Variants in PTPN1 observed in about 807,000 individuals in gnomAD.
The protein encoded by PTPN1 is tyrosine-protein phosphatase non-receptor type 1.
In PTPN1, 12 loss-of-function variants were observed where a neutral mutation model predicts 59.9. That is an observed-to-expected ratio of 0.20 (90% confidence interval 0.13 to 0.32). The LOEUF (loss-of-function observed/expected upper bound fraction) is 0.32. Among genes scored for constraint, PTPN1 ranks in the 10% least tolerant of loss-of-function variants. The pLI, the probability that PTPN1 is intolerant of heterozygous loss-of-function variation, is 1.00. For missense variants in PTPN1, 356 were observed against 549.2 expected, an observed-to-expected ratio of 0.65 and a Z score of 3.52; for synonymous variants, 178 against 203.6, an observed-to-expected ratio of 0.87 and a Z score of 1.07.
At chr20:50,575,458 C>A (rs2082832178) in intron 5 of PTPN1, among the ~76,000 whole-genome samples, 1 of 152,174 alleles carries the variant, frequency 6.6e-6, no homozygotes, top group Non-Finnish European at 1.5e-5. Context: ...TTAGCAGTTA[C>A]CATGGGTGTG....
At chr20:50,553,555 G>A (rs1298712171) in intron 1 of PTPN1, among the ~76,000 whole-genome samples, 1 of 152,170 alleles carries the variant, frequency 6.6e-6, no homozygotes, top group African/African-American at 2.4e-5. Flanking sequence ...CCAGAACGGA[G>A]AGAGACAGAC....
At chr20:50,516,146 G>A (rs1276821960) in intron 1 of PTPN1, among the ~76,000 whole-genome samples, 5 of 152,030 alleles carry the variant, frequency 3.3e-5, no homozygotes, top group Non-Finnish European at 7.4e-5. Context: ...TTTGCATGTG[G>A]TTGGTTCATA....
At chr20:50,555,310 G>A (rs1224767325) in intron 1 of PTPN1, among the ~76,000 whole-genome samples, 1 of 152,206 alleles carries the variant, frequency 6.6e-6, no homozygotes, top group Non-Finnish European at 1.5e-5. Context: ...GCTAGTAAAT[G>A]CAATAAGTTA....
At position 50,568,521 on chromosome 20, in the gene PTPN1, C is replaced by A; in HGVS notation, c.354+43C>A. On this transcript the variant is annotated intron_variant, in intron 4 of 9. Coordinates refer to ENST00000371621, the MANE Select transcript of PTPN1 (RefSeq NM_002827.4). This position sits in a 1 kb window ranked among gnomAD's most constrained non-coding sequence, Gnocchi z 5.6. ...TTGCTGTGTATGTGATCATGCATAC[C>A]ACTCCATATAGTTACCATTTTCGTC... is the stretch of plus-strand genomic sequence containing the variant. 7.0e-7 allele frequency: 1 copy of A among 1,431,762 alleles called. No homozygotes were observed. Among genetic ancestry groups the A allele is most frequent in the Non-Finnish European group, 9.9e-7 (1 of 1,014,074 alleles). 88.7% of individuals were successfully genotyped at this position (1,431,762 alleles called of 1,614,324 possible). A position where few individuals can be genotyped will look rare whatever the true frequency, so the allele number is the denominator to read the frequency against.
chr20:50,513,082 A>G (rs1172104882), intron 1 of PTPN1, among the ~76,000 whole-genome samples: 1 of 152,216 alleles, frequency 6.6e-6, no homozygotes, highest in African/African-American at 2.4e-5. Context: ...AAGAGTGAAG[A>G]GGACTTTTGA....
At chr20:50,574,419 T>G in intron 4 of PTPN1, 98 bp from the exon 5 acceptor site, 2 of 1,260,590 alleles carry the variant, frequency 1.6e-6, no homozygotes, top group Non-Finnish European at 2.2e-6. Context: ...CCCCAGGCCT[T>G]TGAGTTATCA....
At position 50,568,061 on chromosome 20, in the gene PTPN1, A is replaced by G. The variant is rs916157542; in HGVS notation, c.256-319A>G. On this transcript the variant is annotated intron_variant, in intron 3 of 9. Coordinates refer to ENST00000371621, the MANE Select transcript of PTPN1 (RefSeq NM_002827.4). This position sits in a 1 kb window ranked among gnomAD's most constrained non-coding sequence, Gnocchi z 5.6. The stretch of plus-strand genomic sequence containing the variant: ...CCAAGGAGTTTTGTCCCATAGCCCA[A>G]GGGCCTTGGGGACGAATCTCAGTGG... Among the ~76,000 whole-genome samples the G allele has an allele frequency of 2.0e-4, 30 of 152,226 alleles. No homozygotes were observed. The highest frequency in any genetic ancestry group is 1.9e-3 in the Admixed American group (29 of 15,284).
chr20:50,580,124 C>T lies in PTPN1; in HGVS notation c.1088+198C>T, dbSNP rs189388843. Among the ~76,000 whole-genome samples the T allele has an allele frequency of 5.2e-3, 785 of 152,280 alleles. 3 individuals carry two copies. Among genetic ancestry groups the T allele is most frequent in the Non-Finnish European group, 7.7e-3 (524 of 68,018 alleles). ...GGTCCGGTATTGGGCACAGGGTGGC[C>T]GCAGGACATGAGCCACTTCTGTGGG... is the stretch of plus-strand genomic sequence containing the variant. On this transcript the variant is annotated intron_variant, in intron 8 of 9. Coordinates refer to ENST00000371621, the MANE Select transcript of PTPN1 (RefSeq NM_002827.4).
intron 1 of PTPN1, among the ~76,000 whole-genome samples, chr20:50,543,200 A>G (rs2122753406): frequency 6.6e-6 from 1 of 152,342 alleles, no homozygotes; most frequent in Admixed American, 6.5e-5. Context: ...GTTTATACAC[A>G]ACATAAATAT....
chr20:50,569,619 T>TC (rs2082797236), intron 4 of PTPN1, among the ~76,000 whole-genome samples: 1 of 151,524 alleles, frequency 6.6e-6, no homozygotes, highest in South Asian at 2.1e-4. Flanking sequence ...GTGTAGATTG[T>TC]CTGTGTAGAC....
At chr20:50,556,723 G>A (rs1219222258) in intron 1 of PTPN1, among the ~76,000 whole-genome samples, 4 of 152,164 alleles carry the variant, frequency 2.6e-5, no homozygotes, top group Non-Finnish European at 4.4e-5. Flanking sequence ...GGGAGGCTGA[G>A]GCAGGTGGAT....
At chr20:50,530,105 C>T (rs2082594173) in intron 1 of PTPN1, among the ~76,000 whole-genome samples, 1 of 151,014 alleles carries the variant, frequency 6.6e-6, no homozygotes. Flanking sequence ...AACTCCTGAC[C>T]TCAGGTGATC....
intron 1 of PTPN1, among the ~76,000 whole-genome samples, chr20:50,526,675 T>C (rs540089581): frequency 3.3e-5 from 5 of 152,244 alleles, no homozygotes; most frequent in Admixed American, 2.6e-4. Flanking sequence ...TCAGTTGCTT[T>C]CTCTAGTTTG....
chr20:50,562,362 T>C (rs1451772625), intron 2 of PTPN1, among the ~76,000 whole-genome samples: 1 of 152,226 alleles, frequency 6.6e-6, no homozygotes, highest in Non-Finnish European at 1.5e-5. Flanking sequence ...ACCTGACTTA[T>C]GTGGCGCCCA....
intron 1 of PTPN1, among the ~76,000 whole-genome samples, chr20:50,516,910 A>G (rs2082531342): frequency 6.6e-6 from 1 of 152,244 alleles, no homozygotes; most frequent in South Asian, 2.1e-4. Context: ...GATAGTTTAC[A>G]CATCTGCCAT....
intron 1 of PTPN1, among the ~76,000 whole-genome samples, chr20:50,522,915 G>A (rs1361541061): frequency 7.6e-6 from 1 of 131,694 alleles, no homozygotes; most frequent in Non-Finnish European, 1.6e-5. Flanking sequence ...CACGATGCCC[G>A]GCTAATTTTT....
chr20:50,561,261 C>G (rs2082751209), intron 1 of PTPN1, 102 bp from the exon 2 acceptor site: 2 of 875,382 alleles, frequency 2.3e-6, no homozygotes, highest in African/African-American at 3.4e-5. Context: ...GAATTATCAC[C>G]TTGCATTTCC....
intron 1 of PTPN1, among the ~76,000 whole-genome samples, chr20:50,516,082 T>C (rs2082527678): frequency 6.6e-6 from 1 of 152,242 alleles, no homozygotes; most frequent in Admixed American, 6.5e-5. Context: ...CTAAGAATTG[T>C]TGAATTCCTC....
chr20:50,576,361 A>T (rs1393280529), intron 5 of PTPN1, among the ~76,000 whole-genome samples: 1 of 152,166 alleles, frequency 6.6e-6, no homozygotes, highest in African/African-American at 2.4e-5. Flanking sequence ...GCCAGCTCAG[A>T]GGTTTTGATG....
Sources: gnomAD v4.1 joint callset for allele counts (sites outside exome capture counted in the v4.1 genomes callset) on GRCh38, gnomAD v4.1.1 for gene constraint, Gnocchi (gnomAD v3.1) non-coding constraint, MANE v1.5 for transcripts, NCBI Gene and HGNC (gene_info 2026-07-23, HGNC 2026-07-21) for gene names.